INSYN2B: variants seen among roughly 807,000 people sequenced by gnomAD.
INSYN2B encodes inhibitory synaptic factor family member 2B.
INSYN2B carries 16 observed loss-of-function variants against 41.2 expected under a neutral mutation model. That is an observed-to-expected ratio of 0.39 (90% CI 0.26 to 0.59). The LOEUF (loss-of-function observed/expected upper bound fraction) is 0.59. Ranked by LOEUF, INSYN2B falls within the 20% of genes least tolerant of loss-of-function variation. The pLI is 0.57. For synonymous variants in INSYN2B, 245 were observed against 244.4 expected (o/e 1.00, Z -0.02); for missense variants, 608 against 646.4 (o/e 0.94, Z 0.64).
rs747249754 is a variant in INSYN2B at position 169,864,082 on chromosome 5, G to C, written c.*191C>G. ...TGAAGCCCTCAGCAAGCAGTCGCAC[G>C]CACTCAGGTAAGGATCGTGGTCAGG... On this transcript the variant is annotated 3_prime_UTR_variant, in exon 4 of 4. Coordinates refer to ENST00000377365, the MANE Select transcript of INSYN2B (RefSeq NM_001129891.3). Among the ~76,000 whole-genome samples, 1 of 152,178 alleles carries C rather than the reference G, an allele frequency of 6.6e-6. No homozygotes were observed. Among genetic ancestry groups the C allele is most frequent in the Non-Finnish European group, 1.5e-5 (1 of 68,036 alleles).
At chr5:169,969,852 G>C (rs1428139361) in intron 1 of INSYN2B, among the ~76,000 whole-genome samples, 1 of 152,270 alleles carries the variant, frequency 6.6e-6, no homozygotes, top group Non-Finnish European at 1.5e-5. Context: ...CAGCTCCTTG[G>C]AAATATAGAC....
At chr5:169,960,404 ATAATAT>A (rs1328995967) in intron 1 of INSYN2B, among the ~76,000 whole-genome samples, 1 of 152,212 alleles carries the variant, frequency 6.6e-6, no homozygotes, top group East Asian at 1.9e-4. Context: ...CAGGCCATTG[ATAATAT>A]TAATATGTCT....
chr5:169,980,474 C>G lies in INSYN2B; in HGVS notation c.-1116G>C, dbSNP rs963178255. 6.6e-6 allele frequency: 1 copy of G among 152,042 alleles called. No individual in the cohort carries two copies. Among genetic ancestry groups the G allele is most frequent in the Non-Finnish European group, 1.5e-5 (1 of 68,028 alleles). The allele number at this position is 152,042 out of a possible 1,614,324, so 9.4% of individuals were successfully genotyped here. ...AAAAGCCGAACAAACTGCTCGGCAG[C>G]TACCATGTGAAAAGAAAAGACCTCT... On this transcript the variant is annotated 5_prime_UTR_variant, in exon 1 of 4. Transcript: ENST00000377365.
intron 1 of INSYN2B, among the ~76,000 whole-genome samples, chr5:169,903,701 G>C (rs1401691259): frequency 6.6e-6 from 1 of 152,122 alleles, no homozygotes; most frequent in Non-Finnish European, 1.5e-5. Context: ...ACTCGGGGCA[G>C]GGGGAGAAAA....
chr5:169,930,842 G>T lies in INSYN2B; in HGVS notation c.-918-46026C>A, dbSNP rs371223639. On this transcript the variant is annotated intron_variant, in intron 1 of 3. Coordinates refer to ENST00000377365, the MANE Select transcript of INSYN2B (RefSeq NM_001129891.3). The stretch of plus-strand genomic sequence containing the variant: ...TTATGCTTTCAGCTCTTCATTGGGG[G>T]TTGCACTTCATTTTCTTCTCACATT... 2.4e-4 allele frequency among the ~76,000 whole-genome samples: 37 copies of T among 152,188 alleles called. 1 individual carries two copies. The highest frequency in any genetic ancestry group is 2.1e-3 in the South Asian group (10 of 4,820).
At chr5:169,978,183 A>G (rs773110519) in intron 1 of INSYN2B, among the ~76,000 whole-genome samples, 4 of 152,088 alleles carry the variant, frequency 2.6e-5, no homozygotes, top group Non-Finnish European at 5.9e-5. Flanking sequence ...TTAGGTAGCA[A>G]GCTTCCGAAG....
rs761122238 is a variant in INSYN2B at position 169,883,181 on chromosome 5, G to T, written c.718C>A (p.Arg240Ser). ...SNSIHPLDDT[R>S]PGDGRRVTPL... Reference sequence around the variant, plus strand: ...GTCACCCTTCTCCCATCACCTGGACGTGTGTCATCCAAAGGGTGTATGGAG... The same window carrying T: ...GTCACCCTTCTCCCATCACCTGGACTTGTGTCATCCAAAGGGTGTATGGAG... The change falls in exon 2 of 4, where the codon CGT becomes AGT. Residue 240 changes from arginine to serine, a missense_variant. Coordinates refer to ENST00000377365, the MANE Select transcript of INSYN2B (RefSeq NM_001129891.3). 1.8e-5 allele frequency: 28 copies of T among 1,551,602 alleles called. No homozygotes were observed. Among genetic ancestry groups the T allele is most frequent in the Non-Finnish European group, 2.4e-5 (27 of 1,146,944 alleles).
rs141044468 is a variant in INSYN2B, at chr5:169,943,139, G to A, written c.-919+37138C>T. On this transcript the variant is annotated intron_variant, in intron 1 of 3. Coordinates refer to ENST00000377365, the MANE Select transcript of INSYN2B (RefSeq NM_001129891.3). ...ATCATTGAGTTTTCCCCACACCCAG[G>A]CCATCAATGTCTCTGCTTCCTAAAG... Among the ~76,000 whole-genome samples the A allele has an allele frequency of 3.7e-3, 561 of 152,254 alleles. 6 individuals are homozygous for A. In the South Asian group the frequency reaches 0.05, roughly 14 times the overall value.
chr5:169,959,364 G>C (rs191666180), intron 1 of INSYN2B, among the ~76,000 whole-genome samples: 1 of 149,802 alleles, frequency 6.7e-6, no homozygotes, highest in African/African-American at 2.5e-5. Flanking sequence ...GAGAGACTCC[G>C]TCTCAAAAGA....
intron 3 of INSYN2B, among the ~76,000 whole-genome samples, chr5:169,880,163 A>G (rs1246138155): frequency 6.6e-6 from 1 of 152,226 alleles, no homozygotes; most frequent in Non-Finnish European, 1.5e-5. Flanking sequence ...TCTTTTTTAA[A>G]GGAAGACTTC....
At position 169,934,824 on chromosome 5, in the gene INSYN2B, G is replaced by C. The variant is rs1364577350; in HGVS notation, c.-919+45453C>G. On this transcript the variant is annotated intron_variant, in intron 1 of 3. Coordinates refer to ENST00000377365, the MANE Select transcript of INSYN2B (RefSeq NM_001129891.3). ...TTATCTGTATGATAAATTGATTGTA[G>C]TGTCATCTGCAAATAGGTAAATAAA... is the stretch of plus-strand genomic sequence containing the variant. The C allele has an allele frequency of 4.7e-5, 20 of 426,528 alleles. No individual in the cohort carries two copies. In the East Asian group the frequency reaches 1.1e-3, roughly 23 times the overall value. 26.4% of individuals were successfully genotyped at this position (426,528 alleles called of 1,614,324 possible).
intron 1 of INSYN2B, among the ~76,000 whole-genome samples, chr5:169,936,240 TC>T (rs1775986520): frequency 6.6e-6 from 1 of 152,190 alleles, no homozygotes; most frequent in African/African-American, 2.4e-5. Flanking sequence ...TGATAACACT[TC>T]CGTGCATGGT....
At chr5:169,868,788 A>G (rs985378218) in intron 3 of INSYN2B, among the ~76,000 whole-genome samples, 1 of 152,170 alleles carries the variant, frequency 6.6e-6, no homozygotes, top group Non-Finnish European at 1.5e-5. Context: ...AATGCTCTGG[A>G]TGATTCTAGA....
intron 1 of INSYN2B, among the ~76,000 whole-genome samples, chr5:169,903,421 GAT>G (rs1774067906): frequency 6.6e-6 from 1 of 151,592 alleles, no homozygotes; most frequent in Non-Finnish European, 1.5e-5. Context: ...ATGCATCCCT[GAT>G]ATGTTTCTGT....
At chr5:169,908,761 A>C (rs1201450676) in intron 1 of INSYN2B, among the ~76,000 whole-genome samples, 3 of 132,962 alleles carry the variant, frequency 2.3e-5, no homozygotes, top group African/African-American at 8.7e-5. Flanking sequence ...GTCGCCCAGG[A>C]TAGAGTGCAG....
chr5:169,913,379 G>T (rs1244962562), intron 1 of INSYN2B, among the ~76,000 whole-genome samples: 1 of 152,074 alleles, frequency 6.6e-6, no homozygotes, highest in Admixed American at 6.6e-5. Context: ...CCTAGAACCT[G>T]TTTATAATTC....
At chr5:169,896,837 G>A (rs1445439594) in intron 1 of INSYN2B, among the ~76,000 whole-genome samples, 2 of 152,172 alleles carry the variant, frequency 1.3e-5, no homozygotes, top group Non-Finnish European at 2.9e-5. Flanking sequence ...ATAATAAAAT[G>A]CAGATGCCAT....
At chr5:169,934,386 A>C (rs959301476) in intron 1 of INSYN2B, among the ~76,000 whole-genome samples, 1 of 152,068 alleles carries the variant, frequency 6.6e-6, no homozygotes, top group African/African-American at 2.4e-5. Context: ...TGTTGTTCCC[A>C]CTAATTTACC....
intron 1 of INSYN2B, among the ~76,000 whole-genome samples, chr5:169,937,368 T>C (rs1474734679): frequency 1.3e-5 from 2 of 152,222 alleles, no homozygotes; most frequent in East Asian, 3.8e-4. Context: ...CAACCTTGAA[T>C]AGATACTTCC....
Sources: gnomAD v4.1 joint callset for allele counts (sites outside exome capture counted in the v4.1 genomes callset) on GRCh38, gnomAD v4.1.1 for gene constraint, MANE v1.5 for transcripts, NCBI Gene and HGNC (gene_info 2026-07-23, HGNC 2026-07-21) for gene names.